Variants in MMP28 observed in about 807,000 individuals in gnomAD.
The protein encoded by MMP28 is matrix metalloproteinase-28.
In MMP28, 55 loss-of-function variants were observed where a neutral mutation model predicts 60.5. That is an observed-to-expected ratio of 0.91 (90% CI 0.73 to 1.14). The LOEUF (loss-of-function observed/expected upper bound fraction) is 1.14. Among genes scored for constraint, MMP28 ranks in the 50% most tolerant of loss-of-function variants. The probability of loss-of-function intolerance (pLI) is 0.00; values close to 1 mark genes in which losing one functional copy is unlikely to be tolerated. For synonymous variants in MMP28, 318 were observed against 312.5 expected, an observed-to-expected ratio of 1.02 and a Z score of -0.18; for missense variants, 686 against 738.3, an observed-to-expected ratio of 0.93 and a Z score of 0.82.
chr17:35,790,927 T>C lies in MMP28; in HGVS notation c.111+4340A>G, dbSNP rs1223051133. ...TTTAAATGTGTAGAGACAGGGTCTC[T>C]CTATGTTGCCCAGGCTGCTCTCAAA... is the stretch of plus-strand genomic sequence containing the variant. On this transcript the variant is annotated intron_variant, in intron 1 of 7. Coordinates refer to ENST00000605424, the MANE Select transcript of MMP28 (RefSeq NM_024302.5). Among the ~76,000 whole-genome samples, 3 of 150,836 alleles carry C rather than the reference T, an allele frequency of 2.0e-5. No individual in the cohort carries two copies. In the South Asian group the frequency reaches 6.3e-4, roughly 32 times the overall value.
chr17:35,795,199 G>A lies in MMP28; in HGVS notation c.111+68C>T, dbSNP rs190669699. ...TCTGCTCACAGGGGACTGCCGGGTG[G>A]CCTGACTGCCGAGTTCTGACAGGTC... On this transcript the variant is annotated intron_variant, in intron 1 of 7. Coordinates refer to ENST00000605424, the MANE Select transcript of MMP28 (RefSeq NM_024302.5). 720 of 1,087,068 alleles carry A rather than the reference G, an allele frequency of 6.6e-4. 4 individuals carry two copies. The African/African-American group carries it at 0.011, about 16-fold the overall frequency. 67.3% of individuals were successfully genotyped at this position (1,087,068 alleles called of 1,614,324 possible).
intron 1 of MMP28, among the ~76,000 whole-genome samples, chr17:35,783,239 A>G (rs2086557404): frequency 6.6e-6 from 1 of 152,272 alleles, no homozygotes; most frequent in African/African-American, 2.4e-5. Context: ...ACTAAATAAA[A>G]GAATGCACAT....
chr17:35,764,453 C>T (rs1555602334), downstream of MMP28: 2 of 1,555,012 alleles, frequency 1.3e-6, no homozygotes, highest in African/African-American at 1.4e-5. Flanking sequence ...AGGAGCCGTG[C>T]GTGCTGGAGA....
rs968257311 is a variant in MMP28 at position 35,766,425 on chromosome 17, G to A, written c.*75C>T. 18 of 1,453,974 alleles carry A rather than the reference G, an allele frequency of 1.2e-5. No individual in the cohort carries two copies. The African/African-American group carries it at 2.4e-4, about 19-fold the overall frequency. 90.1% of individuals were successfully genotyped at this position (1,453,974 alleles called of 1,614,324 possible). ...CAGAGGGACTCAGAGGCTTCTAAGAGGGGTTCTGCCCCGGGGGTGGGGAAC... is the reference window on the plus strand; with the variant it reads ...CAGAGGGACTCAGAGGCTTCTAAGAAGGGTTCTGCCCCGGGGGTGGGGAAC... On this transcript the variant is annotated 3_prime_UTR_variant, in exon 8 of 8. Coordinates refer to ENST00000605424, the MANE Select transcript of MMP28 (RefSeq NM_024302.5). The surrounding 1 kb of genome is among the most constrained non-coding windows in gnomAD (Gnocchi z 4.3).
intron 3 of MMP28, among the ~76,000 whole-genome samples, chr17:35,775,371 G>A (rs2086294947): frequency 6.6e-6 from 1 of 152,186 alleles, no homozygotes; most frequent in Non-Finnish European, 1.5e-5. Context: ...GGCCAGGGAG[G>A]GCTGGTTTTT....
intron 2 of MMP28, among the ~76,000 whole-genome samples, chr17:35,760,208 T>C (rs1308828395): frequency 6.6e-6 from 1 of 151,900 alleles, no homozygotes; most frequent in Non-Finnish European, 1.5e-5. Context: ...TTTCCAGAGC[T>C]GAATCTGTCC....
intron 3 of MMP28, 156 bp downstream of exon 3, chr17:35,778,732 G>A (rs1399998228): frequency 1.4e-6 from 2 of 1,477,216 alleles, no homozygotes; most frequent in Non-Finnish European, 1.8e-6. Flanking sequence ...TCACAATCAT[G>A]GTCCTCAAGC....
At chr17:35,770,981 A>T (rs948527112) in intron 4 of MMP28, among the ~76,000 whole-genome samples, 1 of 152,136 alleles carries the variant, frequency 6.6e-6, no homozygotes, top group African/African-American at 2.4e-5. Flanking sequence ...GAGTCCCAGG[A>T]GGTCAAGGCT....
At chr17:35,793,326 C>G (rs151319457) in intron 1 of MMP28, among the ~76,000 whole-genome samples, 1 of 152,152 alleles carries the variant, frequency 6.6e-6, no homozygotes. Context: ...TGTTCCCTTG[C>G]GAGGGATTGC....
At chr17:35,785,413 G>C (rs2086617966) in intron 1 of MMP28, among the ~76,000 whole-genome samples, 1 of 152,192 alleles carries the variant, frequency 6.6e-6, no homozygotes, top group Admixed American at 6.5e-5. Context: ...GTGCCTCTCT[G>C]AGCTTCAGTT....
At chr17:35,764,037 C>A (rs2085880321), downstream of MMP28, 2 of 1,547,174 alleles carry the variant, frequency 1.3e-6, no homozygotes, top group Non-Finnish European at 1.7e-6. Flanking sequence ...AAGAAGGAAA[C>A]GGAAGAGCTC....
At chr17:35,783,252 AG>A (rs1433770963) in intron 1 of MMP28, among the ~76,000 whole-genome samples, 2 of 152,264 alleles carry the variant, frequency 1.3e-5, no homozygotes, top group African/African-American at 4.8e-5. Flanking sequence ...ATGCACATTT[AG>A]CATAGTGCCT....
At chr17:35,763,681 G>C (rs1351809312), downstream of MMP28, among the ~76,000 whole-genome samples, 1 of 151,838 alleles carries the variant, frequency 6.6e-6, no homozygotes, top group Non-Finnish European at 1.5e-5. Context: ...CAAATCACCT[G>C]AGGTCAGGAG....
chr17:35,791,459 G>A (rs2086812877), intron 1 of MMP28, among the ~76,000 whole-genome samples: 1 of 152,040 alleles, frequency 6.6e-6, no homozygotes. Context: ...GATCACTTGA[G>A]CCCAGGAGAT....
At chr17:35,760,768 G>A in intron 2 of MMP28, 1 of 714,698 alleles carries the variant, frequency 1.4e-6, no homozygotes, top group Admixed American at 2.3e-5. Context: ...TGCTTTGGGA[G>A]GCTCTGGAAA....
At chr17:35,782,779 A>G (rs2086542829) in intron 1 of MMP28, among the ~76,000 whole-genome samples, 1 of 152,132 alleles carries the variant, frequency 6.6e-6, no homozygotes, top group South Asian at 2.1e-4. Context: ...ATGAAAATCT[A>G]TTCCCAACCC....
intron 1 of MMP28, among the ~76,000 whole-genome samples, chr17:35,784,156 C>T (rs998731558): frequency 2.6e-5 from 4 of 151,992 alleles, no homozygotes; most frequent in African/African-American, 9.7e-5. Context: ...GTGGCCAGTG[C>T]CTGTAATCTC....
chr17:35,765,225 C>T (rs2085910755), downstream of MMP28: 1 of 152,312 alleles, frequency 6.6e-6, no homozygotes, highest in Admixed American at 6.5e-5. Context: ...GCCCTTCTGC[C>T]CACTGCGCAG....
chr17:35,773,470 C>A, intron 3 of MMP28, 66 bp from the exon 4 acceptor site: 3 of 1,415,492 alleles, frequency 2.1e-6, no homozygotes, highest in Non-Finnish European at 2.9e-6. Flanking sequence ...CCCACAGACC[C>A]AGTAGGATGG....
Sources: gnomAD v4.1 joint callset for allele counts (sites outside exome capture counted in the v4.1 genomes callset) on GRCh38, gnomAD v4.1.1 for gene constraint, Gnocchi (gnomAD v3.1) non-coding constraint, MANE v1.5 for transcripts, NCBI Gene and HGNC (gene_info 2026-07-23, HGNC 2026-07-21) for gene names.